Variants in NRXN1 observed in about 807,000 individuals in gnomAD.
The protein encoded by NRXN1 is neurexin-1.
Under a neutral mutation model 150.9 loss-of-function variants are expected in NRXN1, and 39 were observed. The observed-to-expected ratio is 0.26, with a 90% CI of 0.20 to 0.34. NRXN1 has a LOEUF of 0.34. NRXN1 is among the 10% of genes least tolerant of loss of function. The pLI is 1.00. For synonymous variants in NRXN1, 924 were observed against 757.0 expected, an observed-to-expected ratio of 1.22 and a Z score of -3.62; for missense variants, 1,815 against 1,949.9, an observed-to-expected ratio of 0.93 and a Z score of 1.30.
intron 5 of NRXN1, among the ~76,000 whole-genome samples, chr2:50,630,154 A>T (rs1027530958): frequency 1.3e-5 from 2 of 151,632 alleles, no homozygotes; most frequent in Non-Finnish European, 3.0e-5. Flanking sequence ...GTTCTTGCTC[A>T]TCTAATTTTC....
intron 18 of NRXN1, among the ~76,000 whole-genome samples, chr2:50,182,509 TGTTAA>T (rs2152812611): frequency 6.6e-6 from 1 of 152,244 alleles, no homozygotes; most frequent in Non-Finnish European, 1.5e-5. Flanking sequence ...TTGGATTCTC[TGTTAA>T]GTTATGCTGT....
chr2:50,369,928 G>C (rs2079890715), intron 17 of NRXN1, among the ~76,000 whole-genome samples: 1 of 151,958 alleles, frequency 6.6e-6, no homozygotes, highest in South Asian at 2.1e-4. Flanking sequence ...AGAGAATGTA[G>C]AAGAAAGGCC....
At chr2:50,032,615 A>T (rs1292649066) in intron 21 of NRXN1, among the ~76,000 whole-genome samples, 1 of 151,976 alleles carries the variant, frequency 6.6e-6, no homozygotes, top group East Asian at 1.9e-4. Flanking sequence ...ATAGGTTGAA[A>T]CCCTAACCCC....
At chr2:50,893,381 T>C (rs1166337729) in intron 5 of NRXN1, among the ~76,000 whole-genome samples, 2 of 152,168 alleles carry the variant, frequency 1.3e-5, no homozygotes, top group African/African-American at 2.4e-5. Context: ...GGCTTTCATA[T>C]AATGAAACAT....
Position 49,921,866 on chromosome 2 carries a change from G to A in NRXN1, c.*78C>T. The A allele has an allele frequency of 2.1e-6, 3 of 1,429,042 alleles. No homozygotes were observed. Among genetic ancestry groups the A allele is most frequent in the Non-Finnish European group, 2.9e-6 (3 of 1,031,294 alleles). 88.5% of individuals were successfully genotyped at this position (1,429,042 alleles called of 1,614,324 possible). A position where few individuals can be genotyped will look rare whatever the true frequency, so the allele number is the denominator to read the frequency against. ...TCTTTTGTATGTGCTTCATAAAAAGGAAAGTAAATAAGTTTATATTATGTC... is the reference window on the plus strand; with the variant it reads ...TCTTTTGTATGTGCTTCATAAAAAGAAAAGTAAATAAGTTTATATTATGTC... On this transcript the variant is annotated 3_prime_UTR_variant, in exon 23 of 23. Transcript: ENST00000401669.
intron 17 of NRXN1, among the ~76,000 whole-genome samples, chr2:50,270,149 A>C (rs1239956735): frequency 6.6e-6 from 1 of 152,066 alleles, no homozygotes; most frequent in Non-Finnish European, 1.5e-5. Context: ...AGAATCCCAG[A>C]TGCATTATAT....
chr2:49,928,275 C>G (rs1348573676), intron 22 of NRXN1, among the ~76,000 whole-genome samples: 2 of 151,226 alleles, frequency 1.3e-5, no homozygotes, highest in African/African-American at 4.9e-5. Flanking sequence ...AAAAAAAACT[C>G]TTGGCAAGAT....
intron 17 of NRXN1, among the ~76,000 whole-genome samples, chr2:50,274,409 A>G (rs999620537): frequency 1.3e-5 from 2 of 152,144 alleles, no homozygotes; most frequent in African/African-American, 4.8e-5. Context: ...TTGGGGGGCT[A>G]CGGGAGGGAT....
At chr2:50,819,271 G>C (rs1297594296) in intron 5 of NRXN1, among the ~76,000 whole-genome samples, 1 of 152,166 alleles carries the variant, frequency 6.6e-6, no homozygotes, top group African/African-American at 2.4e-5. Flanking sequence ...CCAAAGGGCA[G>C]AAACAACCTG....
chr2:49,969,881 T>A (rs1459180489), intron 21 of NRXN1: 1 of 152,148 alleles, frequency 6.6e-6, no homozygotes, highest in African/African-American at 2.4e-5. Flanking sequence ...TGTGAACTTA[T>A]GTAATCATGT....
intron 21 of NRXN1, among the ~76,000 whole-genome samples, chr2:49,946,887 C>A (rs1402883915): frequency 6.6e-6 from 1 of 152,108 alleles, no homozygotes; most frequent in South Asian, 2.1e-4. Flanking sequence ...TGGAATAGAA[C>A]AGAGGCCTCA....
chr2:50,949,421 T>A (rs1168661695), intron 2 of NRXN1, among the ~76,000 whole-genome samples: 2 of 152,042 alleles, frequency 1.3e-5, no homozygotes, highest in African/African-American at 4.8e-5. Flanking sequence ...CTACACATAC[T>A]CATACTGAAA....
At chr2:50,314,696 A>AT (rs1575051099) in intron 17 of NRXN1, among the ~76,000 whole-genome samples, 1 of 152,154 alleles carries the variant, frequency 6.6e-6, no homozygotes, top group Admixed American at 6.6e-5. Context: ...AAAAGAATAT[A>AT]TTTTTTGTAA....
At chr2:50,625,227 G>A (rs933678131) in intron 5 of NRXN1, among the ~76,000 whole-genome samples, 1 of 152,034 alleles carries the variant, frequency 6.6e-6, no homozygotes, top group African/African-American at 2.4e-5. Context: ...CAACGCATCA[G>A]TGCCAGATGA....
At chr2:50,235,517 A>G (rs1198186927) in intron 18 of NRXN1, among the ~76,000 whole-genome samples, 2 of 152,114 alleles carry the variant, frequency 1.3e-5, no homozygotes, top group Admixed American at 1.3e-4. Context: ...TGGAAATTCC[A>G]GAATTCTAAG....
At chr2:50,049,489 C>T (rs191669613) in intron 21 of NRXN1, among the ~76,000 whole-genome samples, 22 of 152,270 alleles carry the variant, frequency 1.4e-4, no homozygotes, top group Non-Finnish European at 2.8e-4. Flanking sequence ...AACCAGGTCT[C>T]CTCATTCATC....
At chr2:49,961,257 C>G (rs1445304718) in intron 21 of NRXN1, among the ~76,000 whole-genome samples, 2 of 151,714 alleles carry the variant, frequency 1.3e-5, no homozygotes, top group African/African-American at 4.8e-5. Context: ...ACCCTGGCAG[C>G]TATTTAAAAT....
At chr2:50,369,396 A>G (rs1316747077) in intron 17 of NRXN1, among the ~76,000 whole-genome samples, 1 of 152,034 alleles carries the variant, frequency 6.6e-6, no homozygotes, top group Non-Finnish European at 1.5e-5. Context: ...TTTGATCATA[A>G]GTATAAAGAG....
chr2:50,730,424 C>G (rs1047017029), intron 5 of NRXN1, among the ~76,000 whole-genome samples: 1 of 152,080 alleles, frequency 6.6e-6, no homozygotes, highest in African/African-American at 2.4e-5. Flanking sequence ...AATGAGATTT[C>G]TCAGACTGTG....
Sources: allele counts gnomAD v4.1 joint callset (sites outside exome capture counted in the v4.1 genomes callset), GRCh38; gene constraint gnomAD v4.1.1; transcripts MANE v1.5; gene names NCBI Gene and HGNC (gene_info 2026-07-23, HGNC 2026-07-21).